GNAQ: variants seen among roughly 807,000 people sequenced by gnomAD.
GNAQ encodes the protein G protein subunit alpha q, also known as guanine nucleotide-binding protein G(q) subunit alpha.
A neutral mutation model predicts 43.9 loss-of-function variants in GNAQ; 8 were observed. That is an observed-to-expected ratio of 0.18 (90% CI 0.11 to 0.33). The LOEUF (loss-of-function observed/expected upper bound fraction) is 0.33. GNAQ is among the 10% of genes least tolerant of loss of function. The pLI, the probability that GNAQ is intolerant of heterozygous loss-of-function variation, is 1.00. For missense variants in GNAQ, 158 were observed against 450.8 expected (o/e 0.35, Z 5.88); for synonymous variants, 155 against 170.7 (o/e 0.91, Z 0.71).
chr9:77,964,166 A>C lies in GNAQ; in HGVS notation c.137-41821T>G, dbSNP rs1341192887. Among the ~76,000 whole-genome samples, 7 of 152,254 alleles carry C rather than the reference A, an allele frequency of 4.6e-5. No homozygotes were observed. The East Asian group carries it at 1.3e-3, about 29-fold the overall frequency. On this transcript the variant is annotated intron_variant, in intron 1 of 6. Coordinates refer to ENST00000286548, the MANE Select transcript of GNAQ (RefSeq NM_002072.5). The stretch of plus-strand genomic sequence containing the variant: ...AGATTTTAATGCAAATAATATTATC[A>C]GAAATAAAAACAATCATTTCATAAT...
At chr9:77,859,733 A>G (rs1156388800) in intron 2 of GNAQ, among the ~76,000 whole-genome samples, 1 of 152,208 alleles carries the variant, frequency 6.6e-6, no homozygotes, top group Admixed American at 6.5e-5. Flanking sequence ...GGAAGCCAAG[A>G]TTTTAACATG....
chr9:78,024,554 C>G (rs1213356140), intron 1 of GNAQ, among the ~76,000 whole-genome samples: 1 of 152,164 alleles, frequency 6.6e-6, no homozygotes, highest in Non-Finnish European at 1.5e-5. Flanking sequence ...GTCCTGTGAT[C>G]CCCAGGAAGC....
intron 1 of GNAQ, among the ~76,000 whole-genome samples, chr9:77,990,723 G>A (rs1823497582): frequency 6.6e-6 from 1 of 152,182 alleles, no homozygotes; most frequent in Non-Finnish European, 1.5e-5. Context: ...AAAGGGTGTT[G>A]GAATCGAAAA....
chr9:77,773,096 T>C (rs1210220069), intron 5 of GNAQ, among the ~76,000 whole-genome samples: 1 of 152,238 alleles, frequency 6.6e-6, no homozygotes, highest in African/African-American at 2.4e-5. Flanking sequence ...GTCCCTTTTT[T>C]TGGGCATGTT....
intron 2 of GNAQ, among the ~76,000 whole-genome samples, chr9:77,902,751 G>T (rs1828634061): frequency 6.6e-6 from 1 of 152,150 alleles, no homozygotes; most frequent in South Asian, 2.1e-4. Flanking sequence ...TTTGAATGGA[G>T]GCTGCAAAAT....
intron 2 of GNAQ, among the ~76,000 whole-genome samples, chr9:77,909,001 T>C (rs1828755966): frequency 6.6e-6 from 1 of 152,224 alleles, no homozygotes; most frequent in South Asian, 2.1e-4. Flanking sequence ...CTGGAATATG[T>C]GGCACTTCTG....
chr9:77,934,864 C>T (rs1482248098), intron 1 of GNAQ, among the ~76,000 whole-genome samples: 1 of 152,180 alleles, frequency 6.6e-6, no homozygotes, highest in Non-Finnish European at 1.5e-5. Flanking sequence ...CGGTGGCTCA[C>T]GCCTGTAATC....
At chr9:77,818,556 ATAG>A (rs1268407826) in intron 2 of GNAQ, among the ~76,000 whole-genome samples, 1 of 152,182 alleles carries the variant, frequency 6.6e-6, no homozygotes, top group East Asian at 1.9e-4. Context: ...CGAATGTGAA[ATAG>A]TAGTAAAAAT....
chr9:77,912,096 C>T (rs1318094990), intron 2 of GNAQ, among the ~76,000 whole-genome samples: 4 of 152,172 alleles, frequency 2.6e-5, no homozygotes, highest in Admixed American at 6.5e-5. Context: ...AGCTCTTGTG[C>T]AATCCCAAAG....
At chr9:78,023,391 G>C (rs930651044) in intron 1 of GNAQ, among the ~76,000 whole-genome samples, 30 of 152,178 alleles carry the variant, frequency 2.0e-4, no homozygotes, top group African/African-American at 7.0e-4. Context: ...GTGCAAGTCA[G>C]AGAATCTGAG....
chr9:77,922,176 C>A lies in GNAQ; in HGVS notation c.306G>T (p.Lys102Asn), dbSNP rs1468666506. ...TCGCACCTACCTTATTGTGCTCATA[C>A]TTGTATGGGATCTTGAGTGTGTCCA... ...RAMDTLKIPY[K>N]YEHNKAHAQL... The change falls in exon 2 of 7, where the codon AAG becomes AAT. Residue 102 changes from lysine to asparagine, a missense_variant. This residue lies in a region of GNAQ where 57 missense variants were observed against 78.2 expected (regional missense o/e 0.73). Transcript: ENST00000286548. 1 of 1,612,834 alleles carries A rather than the reference C, an allele frequency of 6.2e-7. No homozygotes were observed. The highest frequency in any genetic ancestry group is 1.7e-5 in the Admixed American group (1 of 59,996).
At chr9:77,871,260 G>A (rs531516359) in intron 2 of GNAQ, among the ~76,000 whole-genome samples, 1 of 152,094 alleles carries the variant, frequency 6.6e-6, no homozygotes, top group Non-Finnish European at 1.5e-5. Flanking sequence ...TTTTCTTAAG[G>A]TATAGTCCTC....
intron 1 of GNAQ, among the ~76,000 whole-genome samples, chr9:77,962,310 A>G (rs990287333): frequency 6.6e-6 from 1 of 152,128 alleles, no homozygotes; most frequent in Admixed American, 6.6e-5. Context: ...CTATAACACT[A>G]TTGATCTAAG....
Position 77,815,790 on chromosome 9 carries a change from C to G in GNAQ, c.322-20G>C. On this transcript the variant is annotated intron_variant, in intron 2 of 6. Coordinates refer to ENST00000286548, the MANE Select transcript of GNAQ (RefSeq NM_002072.5). ...ATGAGCCTGTTTAAATAAAAAAAGG[C>G]AGTTTTAATACCCTATTACTTTCCA... The G allele has an allele frequency of 6.3e-7, 1 of 1,591,972 alleles. No homozygotes were observed. The highest frequency in any genetic ancestry group is 8.6e-7 in the Non-Finnish European group (1 of 1,164,074).
chr9:77,818,405 A>G (rs939708226), intron 2 of GNAQ, among the ~76,000 whole-genome samples: 1 of 152,096 alleles, frequency 6.6e-6, no homozygotes, highest in African/African-American at 2.4e-5. Context: ...AATTGTGCAT[A>G]TAAACGTTCC....
At chr9:77,936,963 T>G (rs1829241587) in intron 1 of GNAQ, among the ~76,000 whole-genome samples, 1 of 152,214 alleles carries the variant, frequency 6.6e-6, no homozygotes, top group Non-Finnish European at 1.5e-5. Flanking sequence ...GATGAAGTAT[T>G]CTTCTTTCTT....
At chr9:77,899,064 T>C (rs1213652140) in intron 2 of GNAQ, among the ~76,000 whole-genome samples, 2 of 152,174 alleles carry the variant, frequency 1.3e-5, no homozygotes, top group Non-Finnish European at 2.9e-5. Context: ...TTATAAACAA[T>C]GCTGTACCAA....
chr9:77,742,112 A>G (rs567908456), intron 5 of GNAQ, among the ~76,000 whole-genome samples: 59 of 152,278 alleles, frequency 3.9e-4, no homozygotes, highest in Non-Finnish European at 7.3e-4. Flanking sequence ...TGCTTGAAAA[A>G]TCAGTGTCAC....
At position 77,986,318 on chromosome 9, in the gene GNAQ, C is replaced by T. The variant is rs561770403; in HGVS notation, c.136+44782G>A. On this transcript the variant is annotated intron_variant, in intron 1 of 6. Transcript: ENST00000286548. ...TTACTGAGCTTCACAGTATTGTGCA[C>T]CCTGGTCCAGATTCAGATTTGACAT... Among the ~76,000 whole-genome samples the T allele has an allele frequency of 3.9e-5, 6 of 152,282 alleles. No individual in the cohort carries two copies. In the East Asian group the frequency reaches 1.2e-3, roughly 29 times the overall value.
Sources: gnomAD v4.1 joint callset for allele counts (sites outside exome capture counted in the v4.1 genomes callset) on GRCh38, gnomAD v4.1.1 for gene constraint, gnomAD v4.1.1 regional missense constraint, MANE v1.5 for transcripts, NCBI Gene and HGNC (gene_info 2026-07-23, HGNC 2026-07-21) for gene names.